The following HSPA9 variants were observed in gnomAD, a reference collection of about 807,000 sequenced individuals.
HSPA9 encodes the protein heat shock protein family A (Hsp70) member 9, also known as stress-70 protein, mitochondrial.
In HSPA9, 28 loss-of-function variants were observed where a neutral mutation model predicts 81.5. The ratio of observed to expected loss-of-function variants is 0.34; its 90% CI spans 0.25 to 0.47. The LOEUF is 0.47. HSPA9 is among the 20% of genes least tolerant of loss of function. The pLI is 1.00. For missense variants in HSPA9, 678 were observed against 838.0 expected (o/e 0.81, Z 2.36); for synonymous variants, 293 against 290.4 (o/e 1.01, Z -0.09).
intron 10 of HSPA9, chr5:138,560,942 T>C (rs545070865): frequency 8.2e-5 from 32 of 387,968 alleles, no homozygotes; most frequent in African/African-American, 6.9e-4. Flanking sequence ...CTTAAGGCCA[T>C]GTATTTCAAT....
chr5:138,573,176 A>T (rs1750947786), intron 3 of HSPA9, among the ~76,000 whole-genome samples: 1 of 152,108 alleles, frequency 6.6e-6, no homozygotes, highest in Admixed American at 6.5e-5. Flanking sequence ...TTCAGGTGTG[A>T]GCCACTGTAC....
Position 138,575,250 on chromosome 5 carries a change from G to T in HSPA9, c.69C>A (p.Ala23=), listed in dbSNP as rs905791511. ...VGAAASRGPT[A]ARHQDSWNGL... is the part of the protein sequence containing the mutation. ...CCCAGTTCCTCACCTGGTGGCGGGC[G>T]GCCGTAGGGCCCCGGGAGGCTGCGG... The change falls in exon 1 of 17, where the codon GCC becomes GCA. Residue 23 remains alanine, a synonymous_variant. Transcript: ENST00000297185. 6.2e-7 allele frequency: 1 copy of T among 1,605,064 alleles called. No individual in the cohort carries two copies. The highest frequency in any genetic ancestry group is 1.3e-5 in the African/African-American group (1 of 74,996).
chr5:138,567,607 G>A (rs1220489274), intron 6 of HSPA9, 42 bp downstream of exon 6: 2 of 1,608,412 alleles, frequency 1.2e-6, no homozygotes, highest in East Asian at 2.2e-5. Context: ...TTCCATCCCA[G>A]GCACCTTACT....
At chr5:138,573,097 G>A (rs964601294) in intron 3 of HSPA9, among the ~76,000 whole-genome samples, 3 of 152,142 alleles carry the variant, frequency 2.0e-5, no homozygotes, top group African/African-American at 7.2e-5. Context: ...GTTTCACCAT[G>A]TTGGCCAGAA....
Position 138,554,482 on chromosome 5 carries a change from T to A in HSPA9, c.*1555A>T, listed in dbSNP as rs1750478999. Among the ~76,000 whole-genome samples, 2 of 152,182 alleles carry A rather than the reference T, an allele frequency of 1.3e-5. No homozygotes were observed. The highest frequency in any genetic ancestry group is 1.3e-4 in the Admixed American group (2 of 15,270). The stretch of plus-strand genomic sequence containing the variant: ...GTGGTTGGAAACCTGAGCCTAGAAT[T>A]TTTCACGAATCCCAAGAATCTTTTA... On this transcript the variant is annotated 3_prime_UTR_variant, in exon 17 of 17. Coordinates refer to ENST00000297185, the MANE Select transcript of HSPA9 (RefSeq NM_004134.7).
chr5:138,566,296 A>G (rs1435717543), intron 9 of HSPA9, among the ~76,000 whole-genome samples: 2 of 151,872 alleles, frequency 1.3e-5, no homozygotes, highest in African/African-American at 4.8e-5. Context: ...CAAGCTAGTA[A>G]TTCTAGTTTT....
chr5:138,562,284 T>C (rs919840035), intron 9 of HSPA9, among the ~76,000 whole-genome samples: 27 of 145,480 alleles, frequency 1.9e-4, no homozygotes, highest in Non-Finnish European at 3.9e-4. Flanking sequence ...GTGCAGTGGC[T>C]CACGCCTGTA....
chr5:138,568,778 G>T, intron 5 of HSPA9, 147 bp downstream of exon 5: 1 of 790,124 alleles, frequency 1.3e-6, no homozygotes, highest in Non-Finnish European at 2.2e-6. Flanking sequence ...GGGAAAGCAT[G>T]AAGTATAACA....
chr5:138,567,373 C>CT (rs764329976), intron 7 of HSPA9, 82 bp downstream of exon 7: 66 of 1,150,854 alleles, frequency 5.7e-5, no homozygotes, highest in Non-Finnish European at 8.5e-5. Context: ...AGTAAAAGCA[C>CT]TGTAAAAGGC....
At chr5:138,560,508 G>C (rs1430349358) in intron 10 of HSPA9, among the ~76,000 whole-genome samples, 2 of 151,556 alleles carry the variant, frequency 1.3e-5, no homozygotes, top group Non-Finnish European at 2.9e-5. Context: ...GTCTTCCCTT[G>C]TGTTTATTAG....
At position 138,558,536 on chromosome 5, in the gene HSPA9, G is replaced by A. The variant is rs1750582821; in HGVS notation, c.1515+17C>T. On this transcript the variant is annotated intron_variant, in intron 12 of 16. Transcript: ENST00000297185. ...ACAGTGAAGGAGGCATAGTATTCAGGATTCACAATAACCTACCAAAGTAAA... is the reference window on the plus strand; with the variant it reads ...ACAGTGAAGGAGGCATAGTATTCAGAATTCACAATAACCTACCAAAGTAAA... 2 of 1,449,520 alleles carry A rather than the reference G, an allele frequency of 1.4e-6. No individual in the cohort carries two copies. The highest frequency in any genetic ancestry group is 2.8e-5 in the African/African-American group (2 of 71,616). 89.8% of individuals were successfully genotyped at this position (1,449,520 alleles called of 1,614,324 possible). A position where few individuals can be genotyped will look rare whatever the true frequency, so the allele number is the denominator to read the frequency against.
rs1750471617 is a variant in HSPA9 at position 138,554,104 on chromosome 5, T to C, written c.*1933A>G. The stretch of plus-strand genomic sequence containing the variant: ...TATTCTAGATATATATCCTATTGGC[T>C]GTAGGAAATCTCCATATACCTTCTT... On this transcript the variant is annotated 3_prime_UTR_variant, in exon 17 of 17. Transcript: ENST00000297185. 6.6e-6 allele frequency among the ~76,000 whole-genome samples: 1 copy of C among 152,244 alleles called. No individual in the cohort carries two copies. The highest frequency in any genetic ancestry group is 1.5e-5 in the Non-Finnish European group (1 of 68,040).
At position 138,557,864 on chromosome 5, in the gene HSPA9, C is replaced by T. The variant is rs1750562231; in HGVS notation, c.1633+5G>A. On this transcript the variant is annotated splice_donor_5th_base_variant and intron_variant, in intron 13 of 16. Coordinates refer to ENST00000297185, the MANE Select transcript of HSPA9 (RefSeq NM_004134.7). ...TCTTAGGGTCTGATAAACAAGGTGA[C>T]TTACTCTGCTGCTCACGTCCTGTGC... 6.3e-7 allele frequency: 1 copy of T among 1,575,088 alleles called. No individual in the cohort carries two copies. Among genetic ancestry groups the T allele is most frequent in the Non-Finnish European group, 8.7e-7 (1 of 1,146,006 alleles).
intron 10 of HSPA9, chr5:138,560,648 C>T (rs1270177648): frequency 9.6e-6 from 2 of 209,016 alleles, no homozygotes; most frequent in African/African-American, 2.4e-5. Context: ...GCAAGCTCCA[C>T]CTCCTGCGTT....
chr5:138,574,393 C>T (rs1189281616), intron 1 of HSPA9, among the ~76,000 whole-genome samples: 2 of 152,138 alleles, frequency 1.3e-5, no homozygotes, highest in Non-Finnish European at 2.9e-5. Context: ...TATACAGCAG[C>T]ATCCCTGGCC....
Position 138,554,442 on chromosome 5 carries a change from C to T in HSPA9, c.*1595G>A, listed in dbSNP as rs1490444023. The stretch of plus-strand genomic sequence containing the variant: ...AATCCTTCATAATCCTACAATGTTC[C>T]CATTGAGTGTTCATGTGGTTGGAAA... On this transcript the variant is annotated 3_prime_UTR_variant, in exon 17 of 17. Transcript: ENST00000297185. 6.6e-6 allele frequency among the ~76,000 whole-genome samples: 1 copy of T among 152,182 alleles called. No individual in the cohort carries two copies. The highest frequency in any genetic ancestry group is 2.1e-4 in the South Asian group (1 of 4,826).
chr5:138,571,577 T>C (rs1449490772), intron 3 of HSPA9, among the ~76,000 whole-genome samples: 1 of 152,110 alleles, frequency 6.6e-6, no homozygotes, highest in Non-Finnish European at 1.5e-5. Flanking sequence ...CGGGCATGCT[T>C]TACTGCTGAT....
chr5:138,554,961 TTAATG>T lies in HSPA9; in HGVS notation c.*1071_*1075del, dbSNP rs746479896. ...GGACTTATTTCTAGATGCAGTTTCT[TTAATG>T]TAAGCCAATTCTGGTTATTTCTACT... On this transcript the variant is annotated 3_prime_UTR_variant, in exon 17 of 17. Transcript: ENST00000297185. 4.6e-5 allele frequency: 7 copies of T among 152,308 alleles called. No individual in the cohort carries two copies. Among genetic ancestry groups the T allele is most frequent in the Non-Finnish European group, 7.4e-5 (5 of 68,026 alleles). The allele number at this position is 152,308 out of a possible 1,614,324, so 9.4% of individuals were successfully genotyped here.
chr5:138,560,979 C>G (rs1243938427), intron 10 of HSPA9: 2 of 420,030 alleles, frequency 4.8e-6, no homozygotes, highest in Admixed American at 5.2e-5. Flanking sequence ...AAAACAAGGT[C>G]ACTATCTTAG....
Sources: allele counts gnomAD v4.1 joint callset (sites outside exome capture counted in the v4.1 genomes callset), GRCh38; gene constraint gnomAD v4.1.1; transcripts MANE v1.5; gene names NCBI Gene and HGNC (gene_info 2026-07-23, HGNC 2026-07-21).